KLHL5: variants seen among roughly 807,000 people sequenced by gnomAD.
KLHL5 encodes kelch-like protein 5.
Under a neutral mutation model 77.7 loss-of-function variants are expected in KLHL5, and 48 were observed. That is an observed-to-expected ratio of 0.62 (90% CI 0.49 to 0.79). The LOEUF is 0.79. Ranked by LOEUF, KLHL5 falls within the 30% of genes least tolerant of loss-of-function variation. KLHL5 has a pLI of 0.00. For synonymous variants in KLHL5, 260 were observed against 297.0 expected (o/e 0.88, Z 1.28); for missense variants, 723 against 859.7 (o/e 0.84, Z 1.99).
At chr4:39,060,524 T>G (rs1298632362), upstream of KLHL5, among the ~76,000 whole-genome samples, 1 of 152,020 alleles carries the variant, frequency 6.6e-6, no homozygotes, top group East Asian at 1.9e-4. Context: ...ACCAGCTACT[T>G]AGAGTAACTG....
chr4:39,104,975 G>T (rs1304001908), intron 7 of KLHL5, among the ~76,000 whole-genome samples: 2 of 152,012 alleles, frequency 1.3e-5, no homozygotes, highest in Admixed American at 1.3e-4. Flanking sequence ...ATGTTGTCCA[G>T]GATGGTCTCG....
chr4:39,135,565 G>A, the KLHL5 span: 1 of 152,336 alleles, frequency 6.6e-6, no homozygotes, highest in African/African-American at 2.4e-5. Context: ...CACGTTGACT[G>A]AGCAGGTAAT....
At chr4:39,101,324 T>C (rs140147075) in intron 6 of KLHL5, among the ~76,000 whole-genome samples, 1,750 of 151,884 alleles carry the variant, frequency 0.012, 19 homozygotes, top group Middle Eastern at 0.034. Flanking sequence ...AGCTTTTTAT[T>C]TGTTGGAGGG....
chr4:39,130,340 G>A (rs546415042), downstream of KLHL5, among the ~76,000 whole-genome samples: 4 of 152,262 alleles, frequency 2.6e-5, no homozygotes, highest in East Asian at 3.9e-4. Flanking sequence ...GGCACAGATC[G>A]CTCATGCTAT....
At chr4:39,136,645 C>T in the KLHL5 span, among the ~76,000 whole-genome samples, 4 of 152,260 alleles carry the variant, frequency 2.6e-5, no homozygotes, top group South Asian at 4.1e-4. Context: ...GTAAGGACAG[C>T]GTCCACACAG....
the KLHL5 span, among the ~76,000 whole-genome samples, chr4:39,141,395 A>G: frequency 2.3e-5 from 3 of 132,084 alleles, no homozygotes; most frequent in South Asian, 2.3e-4. Context: ...TGCAAGCTCC[A>G]CCTGCCGGGT....
intron 1 of KLHL5, among the ~76,000 whole-genome samples, chr4:39,045,913 A>G (rs1716148412): frequency 6.7e-6 from 1 of 149,786 alleles, no homozygotes. Flanking sequence ...TTGAAAAATG[A>G]GCTGCTGTTA....
chr4:39,113,085 A>C lies in KLHL5; in HGVS notation c.1754A>C (p.His585Pro), dbSNP rs901466218. ...AAATCAGTAGAATGTTTTGATCCTC[A>C]TACTAATAAGTGGACACTGTGTGCA... ...CLKSVECFDP[H>P]TNKWTLCAQM... The change falls in exon 9 of 11, where the codon CAT (histidine) becomes CCT (proline). Residue 585 changes from histidine (H) to proline (P), a missense_variant. His to Pro is a moderately conservative substitution (Grantham distance 77). Coordinates refer to ENST00000504108, the MANE Select transcript of KLHL5 (RefSeq NM_015990.5). The C allele has an allele frequency of 1.2e-6, 2 of 1,613,932 alleles. No individual in the cohort carries two copies. The highest frequency in any genetic ancestry group is 8.5e-7 in the Non-Finnish European group (1 of 1,179,974).
In KLHL5 at chr4:39,121,154, T is replaced by C. The variant is rs1723186680; in HGVS notation, c.*88T>C. 62 of 1,039,218 alleles carry C rather than the reference T, an allele frequency of 6.0e-5. 1 individual carries two copies. The South Asian group carries it at 8.2e-4, about 14-fold the overall frequency. 64.4% of individuals were successfully genotyped at this position (1,039,218 alleles called of 1,614,324 possible). On this transcript the variant is annotated 3_prime_UTR_variant, in exon 11 of 11. Transcript: ENST00000504108. ...TATCAATGGATACATTTTTAGTAAA[T>C]GTGCATTGTCACAATCCTGGGCACA...
intron 2 of KLHL5, among the ~76,000 whole-genome samples, chr4:39,079,706 A>G (rs1719432277): frequency 6.6e-6 from 1 of 151,744 alleles, no homozygotes; most frequent in Non-Finnish European, 1.5e-5. Flanking sequence ...TTGTCTCCCT[A>G]CCCTCTAAAT....
At chr4:39,130,077 G>T (rs1723736996), downstream of KLHL5, among the ~76,000 whole-genome samples, 1 of 152,144 alleles carries the variant, frequency 6.6e-6, no homozygotes, top group Admixed American at 6.5e-5. Context: ...CCCTAATCCA[G>T]CGGCGCTAGA....
Position 39,076,125 on chromosome 4 carries a change from G to A in KLHL5, c.544G>A (p.Asp182Asn). Reference sequence around the variant, plus strand: ...GTGTGATGTAATTTTAGTCGCTGGTGATCGCAGAATTCCAGCTCACAGGTA... The same window carrying A: ...GTGTGATGTAATTTTAGTCGCTGGTAATCGCAGAATTCCAGCTCACAGGTA... The part of the protein sequence containing the change: ...QLCDVILVAG[D>N]RRIPAHRLVL... Residue 182 changes from aspartate to asparagine, a missense_variant, in exon 2 of 11, where the codon GAT becomes AAT. Physicochemically the swap from Asp to Asn is conservative, Grantham distance 23 (BLOSUM62 1). This residue lies in a region of KLHL5 where 221 missense variants were observed against 222.1 expected (regional missense o/e 1.00). Coordinates refer to ENST00000504108, the MANE Select transcript of KLHL5 (RefSeq NM_015990.5). 6.2e-7 allele frequency: 1 copy of A among 1,604,314 alleles called. No individual in the cohort carries two copies. The highest frequency in any genetic ancestry group is 8.5e-7 in the Non-Finnish European group (1 of 1,177,658).
rs56106731 is a variant in KLHL5, at chr4:39,121,130, A to G, written c.*64A>G. On this transcript the variant is annotated 3_prime_UTR_variant, in exon 11 of 11. Coordinates refer to ENST00000504108, the MANE Select transcript of KLHL5 (RefSeq NM_015990.5). Reference sequence around the variant, plus strand: ...TTTATTAATTTAGTATAATTATTCTATCAATGGATACATTTTTAGTAAATG... The same window carrying G: ...TTTATTAATTTAGTATAATTATTCTGTCAATGGATACATTTTTAGTAAATG... 5 of 1,198,414 alleles carry G rather than the reference A, an allele frequency of 4.2e-6. No individual in the cohort carries two copies. In the South Asian group the frequency reaches 6.2e-5, roughly 15 times the overall value. The allele number at this position is 1,198,414 out of a possible 1,614,324, so 74.2% of individuals were successfully genotyped here. A position where few individuals can be genotyped will look rare whatever the true frequency, so the allele number is the denominator to read the frequency against.
chr4:39,098,041 C>T (rs1721223693), intron 6 of KLHL5, among the ~76,000 whole-genome samples: 1 of 148,754 alleles, frequency 6.7e-6, no homozygotes, highest in African/African-American at 2.5e-5. Flanking sequence ...GAGGCTGAGG[C>T]AGGAGGATCA....
At position 39,107,558 on chromosome 4, in the gene KLHL5, T is replaced by C. The variant is rs1381554780; in HGVS notation, c.1526-11T>C. On this transcript the variant is annotated splice_polypyrimidine_tract_variant and intron_variant, in intron 7 of 10. Coordinates refer to ENST00000504108, the MANE Select transcript of KLHL5 (RefSeq NM_015990.5). ...ATCTGAAGTCGTTAATTGTTTCCTG[T>C]CTCCTCATAGGTGTGGCTGTACTGG... 6.4e-7 allele frequency: 1 copy of C among 1,572,070 alleles called. No homozygotes were observed. The highest frequency in any genetic ancestry group is 8.7e-7 in the Non-Finnish European group (1 of 1,155,138).
At position 39,107,670 on chromosome 4, in the gene KLHL5, A is replaced by C; in HGVS notation, c.1627A>C (p.Asn543His). ...ATGGGACCCTCAGGCTCGCCAGTGG[A>C]ATTTTGTTGCCACTATGTCTACCCC... ...ERWDPQARQW[N>H]FVATMSTPRS... The change falls in exon 8 of 11, where the codon AAT (asparagine) becomes CAT (histidine). Residue 543 changes from asparagine to histidine, a missense_variant. By Grantham distance (68) the Asn-to-His change is moderately conservative (BLOSUM62 1). Around this residue, in one of 3 missense-constraint regions of KLHL5, gnomAD observed 214 missense variants for 237.4 expected, o/e 0.90. Coordinates refer to ENST00000504108, the MANE Select transcript of KLHL5 (RefSeq NM_015990.5). 1.2e-6 allele frequency: 2 copies of C among 1,612,990 alleles called. No homozygotes were observed. The highest frequency in any genetic ancestry group is 1.7e-6 in the Non-Finnish European group (2 of 1,179,208).
intron 6 of KLHL5, among the ~76,000 whole-genome samples, chr4:39,102,276 A>C (rs1202986273): frequency 6.6e-6 from 1 of 151,588 alleles, no homozygotes; most frequent in Non-Finnish European, 1.5e-5. Context: ...AACTCTTCAC[A>C]ATTGGGGGTT....
chr4:39,126,640 G>C (rs989409280), downstream of KLHL5: 1 of 440,132 alleles, frequency 2.3e-6, no homozygotes, highest in Non-Finnish European at 4.6e-6. Flanking sequence ...GGTTCAAGCT[G>C]GTTCCATTTG....
intron 1 of KLHL5, among the ~76,000 whole-genome samples, chr4:39,067,675 T>A: frequency 0.083 from 1 of 12 alleles, no homozygotes; most frequent in Admixed American, 0.25. Flanking sequence ...CCCATAACTC[T>A]TTTTTTTTTT....
Sources: gnomAD v4.1 joint callset for allele counts (sites outside exome capture counted in the v4.1 genomes callset) on GRCh38, gnomAD v4.1.1 for gene constraint, gnomAD v4.1.1 regional missense constraint, MANE v1.5 for transcripts, NCBI Gene and HGNC (gene_info 2026-07-23, HGNC 2026-07-21) for gene names.